DNAJB13: variants seen among roughly 807,000 people sequenced by gnomAD.
DNAJB13 encodes the protein dnaJ homolog subfamily B member 13.
DNAJB13 carries 22 observed loss-of-function variants against 35.6 expected under a neutral mutation model. The ratio of observed to expected loss-of-function variants is 0.62; its 90% CI spans 0.44 to 0.88. DNAJB13 has a LOEUF of 0.88. DNAJB13 is among the 40% of genes least tolerant of loss of function. The pLI, the probability that DNAJB13 is intolerant of heterozygous loss-of-function variation, is 0.00. For missense variants in DNAJB13, 370 were observed against 384.3 expected (o/e 0.96, Z 0.31); for synonymous variants, 136 against 144.2 (o/e 0.94, Z 0.41).
At chr11:73,965,987 A>G in intron 4 of DNAJB13, 151 bp from the exon 5 acceptor site, 1 of 706,326 alleles carries the variant, frequency 1.4e-6, no homozygotes, top group Non-Finnish European at 2.4e-6. Flanking sequence ...GGCTCTTCCC[A>G]TTGCTAGAGG....
At position 73,968,340 on chromosome 11, in the gene DNAJB13, C is replaced by A; in HGVS notation, c.607-5C>A. ...CCTTGTCACCTTTTGGCGTCCCCTG[C>A]CCAGGGCCCCAACATCATCCCAGCA... On this transcript the variant is annotated splice_polypyrimidine_tract_variant and splice_region_variant and intron_variant, in intron 5 of 7. Transcript: ENST00000339764. The A allele has an allele frequency of 6.2e-7, 1 of 1,614,038 alleles. No homozygotes were observed. The highest frequency in any genetic ancestry group is 1.7e-5 in the Admixed American group (1 of 60,014).
chr11:73,964,776 T>A (rs1335158735), intron 3 of DNAJB13, 102 bp from the exon 4 acceptor site: 5 of 504,832 alleles, frequency 9.9e-6, no homozygotes, highest in Non-Finnish European at 1.7e-5. Context: ...TGTGTGTGTG[T>A]GTGTGTGTGT....
intron 2 of DNAJB13, 116 bp downstream of exon 2, chr11:73,958,536 G>T: frequency 1.1e-6 from 1 of 951,030 alleles, no homozygotes; most frequent in Non-Finnish European, 1.6e-6. Flanking sequence ...TCCCTGCCTA[G>T]AATCTAGACA....
chr11:73,968,225 G>T, intron 5 of DNAJB13, 120 bp from the exon 6 acceptor site: 1 of 870,468 alleles, frequency 1.1e-6, no homozygotes, highest in Non-Finnish European at 1.9e-6. Context: ...GGCCCTTCCA[G>T]AAAACCTGCT....
At chr11:73,953,337 C>T (rs888290757) in intron 1 of DNAJB13, among the ~76,000 whole-genome samples, 8 of 152,094 alleles carry the variant, frequency 5.3e-5, no homozygotes, top group African/African-American at 1.7e-4. Flanking sequence ...TGTAGCAGGA[C>T]GAGCCGCAGA....
chr11:73,963,187 C>CA (rs566517882), intron 3 of DNAJB13, among the ~76,000 whole-genome samples: 105 of 151,632 alleles, frequency 6.9e-4, no homozygotes, highest in African/African-American at 2.4e-3. Flanking sequence ...CAAACAAAAA[C>CA]AAAAAAACAA....
In DNAJB13 at chr11:73,958,315, A is replaced by G. The variant is rs894652650; in HGVS notation, c.69-2A>G. ...GACTTGTATTAATTCTCCCTCTTCC[A>G]GGTACCGCAGACTCGCCCTTAAGCA... On this transcript the variant is annotated splice_acceptor_variant, in intron 1 of 7. Transcript: ENST00000339764. LOFTEE classifies it high-confidence loss of function. 2.5e-6 allele frequency: 4 copies of G among 1,613,874 alleles called. No individual in the cohort carries two copies. In the African/African-American group the frequency reaches 5.3e-5, roughly 22 times the overall value.
At chr11:73,956,020 A>G (rs931014466) in intron 1 of DNAJB13, among the ~76,000 whole-genome samples, 1 of 152,216 alleles carries the variant, frequency 6.6e-6, no homozygotes, top group Non-Finnish European at 1.5e-5. Flanking sequence ...AGTCAGAGCC[A>G]TGCCACAGTG....
intron 2 of DNAJB13, among the ~76,000 whole-genome samples, chr11:73,958,873 A>G (rs948895071): frequency 1.3e-5 from 2 of 152,160 alleles, no homozygotes; most frequent in Admixed American, 6.5e-5. Context: ...GGCCAGGAGT[A>G]ATTAGGAAAT....
At chr11:73,962,395 C>T (rs605442) in intron 3 of DNAJB13, among the ~76,000 whole-genome samples, 72,403 of 125,516 alleles carry the variant, frequency 0.58, 21,439 homozygotes, top group African/African-American at 0.85. Flanking sequence ...AATGAATAGA[C>T]GAGCACATGG....
intron 1 of DNAJB13, among the ~76,000 whole-genome samples, chr11:73,957,595 C>G (rs1410445906): frequency 1.3e-5 from 2 of 152,098 alleles, no homozygotes; most frequent in Non-Finnish European, 1.5e-5. Flanking sequence ...CTTTAACCAC[C>G]CGTTGAAGTC....
intron 1 of DNAJB13, among the ~76,000 whole-genome samples, chr11:73,956,016 A>T (rs1342781969): frequency 6.6e-6 from 1 of 152,162 alleles, no homozygotes; most frequent in Non-Finnish European, 1.5e-5. Context: ...TAAAAGTCAG[A>T]GCCATGCCAC....
At chr11:73,959,456 A>C (rs763713198) in intron 2 of DNAJB13, 38 bp from the exon 3 acceptor site, 1 of 1,587,466 alleles carries the variant, frequency 6.3e-7, no homozygotes. Context: ...CTCAGCCCCC[A>C]AAGTTGGACA....
chr11:73,957,001 G>A (rs1013642654), intron 1 of DNAJB13, among the ~76,000 whole-genome samples: 3 of 152,174 alleles, frequency 2.0e-5, no homozygotes, highest in East Asian at 1.9e-4. Context: ...GGATGGCGGC[G>A]AGGCGGGTGT....
intron 2 of DNAJB13, among the ~76,000 whole-genome samples, 194 bp from the exon 3 acceptor site, chr11:73,959,300 T>C (rs1565171317): frequency 6.6e-6 from 1 of 152,074 alleles, no homozygotes; most frequent in South Asian, 2.1e-4. Flanking sequence ...ACAGGAGCCA[T>C]ACCTAGGTCC....
chr11:73,959,804 C>A (rs1275468064), intron 3 of DNAJB13, 149 bp downstream of exon 3: 7 of 818,474 alleles, frequency 8.6e-6, no homozygotes, highest in Non-Finnish European at 1.2e-5. Flanking sequence ...ACTCTGTTTC[C>A]CAGGCTGGAG....
intron 1 of DNAJB13, 97 bp downstream of exon 1, chr11:73,951,234 C>G (rs1202924000): frequency 2.8e-6 from 4 of 1,423,982 alleles, no homozygotes; most frequent in Non-Finnish European, 3.9e-6. Flanking sequence ...TTAGCGCAGA[C>G]AAGGTAAACC....
intron 5 of DNAJB13, 94 bp from the exon 6 acceptor site, chr11:73,968,251 T>C: frequency 9.1e-7 from 1 of 1,104,592 alleles, no homozygotes; most frequent in Non-Finnish European, 1.4e-6. Flanking sequence ...CTCCCCATTG[T>C]ACAGATGAAG....
At chr11:73,951,630 A>C (rs1950587171) in intron 1 of DNAJB13, among the ~76,000 whole-genome samples, 1 of 152,026 alleles carries the variant, frequency 6.6e-6, no homozygotes, top group Non-Finnish European at 1.5e-5. Flanking sequence ...GAGTCAGTAC[A>C]TTTTTCTGAA....
Sources: allele counts gnomAD v4.1 joint callset (sites outside exome capture counted in the v4.1 genomes callset), GRCh38; gene constraint gnomAD v4.1.1; transcripts MANE v1.5; gene names NCBI Gene and HGNC (gene_info 2026-07-23, HGNC 2026-07-21).